CNTNAP2: variants seen among roughly 807,000 people sequenced by gnomAD.
CNTNAP2 encodes contactin associated protein 2, also known as contactin-associated protein-like 2.
Under a neutral mutation model 155.2 loss-of-function variants are expected in CNTNAP2, and 98 were observed. The observed-to-expected ratio is 0.63, with a 90% CI of 0.54 to 0.75. The LOEUF is 0.75. Among genes scored for constraint, CNTNAP2 ranks in the 30% least tolerant of loss-of-function variants. The pLI is 0.00. For missense variants in CNTNAP2, 1,727 were observed against 1,688.1 expected, an observed-to-expected ratio of 1.02 and a Z score of -0.40; for synonymous variants, 651 against 631.2, an observed-to-expected ratio of 1.03 and a Z score of -0.47.
chr7:146,535,347 T>C (rs1797849139), intron 1 of CNTNAP2, among the ~76,000 whole-genome samples: 1 of 62,218 alleles, frequency 1.6e-5, no homozygotes, highest in South Asian at 5.0e-4. Flanking sequence ...ATGCATATTA[T>C]ATATGATATT....
intron 21 of CNTNAP2, among the ~76,000 whole-genome samples, chr7:148,311,883 A>C (rs1797601273): frequency 6.6e-6 from 1 of 152,158 alleles, no homozygotes; most frequent in Non-Finnish European, 1.5e-5. Context: ...AGAGAGATAC[A>C]GTCATAGGGG....
At chr7:147,452,052 G>A (rs966314508) in intron 10 of CNTNAP2, among the ~76,000 whole-genome samples, 5 of 152,140 alleles carry the variant, frequency 3.3e-5, no homozygotes, top group Admixed American at 6.5e-5. Context: ...AAATTACCCC[G>A]AATCAGGTAT....
intron 3 of CNTNAP2, among the ~76,000 whole-genome samples, chr7:146,894,039 G>A: frequency 6.6e-6 from 1 of 152,164 alleles, no homozygotes; most frequent in Non-Finnish European, 1.5e-5. Flanking sequence ...TAGAAACTGT[G>A]AAAGGACCAC....
At chr7:147,295,270 C>CGTGT (rs749144938) in intron 8 of CNTNAP2, among the ~76,000 whole-genome samples, 1 of 150,240 alleles carries the variant, frequency 6.7e-6, no homozygotes, top group African/African-American at 2.4e-5. Flanking sequence ...TGTGTGCATG[C>CGTGT]GTGTGTGTGT....
At chr7:148,011,709 G>A (rs1016270926) in intron 15 of CNTNAP2, among the ~76,000 whole-genome samples, 1 of 152,124 alleles carries the variant, frequency 6.6e-6, no homozygotes, top group African/African-American at 2.4e-5. Flanking sequence ...TCATTTATTG[G>A]CTTGGCTTTT....
intron 3 of CNTNAP2, among the ~76,000 whole-genome samples, chr7:146,895,101 A>T (rs954473098): frequency 6.6e-6 from 1 of 152,140 alleles, no homozygotes; most frequent in African/African-American, 2.4e-5. Flanking sequence ...AGAAAAAATT[A>T]TTCTAAACCT....
At chr7:146,752,410 C>T (rs183815754) in intron 1 of CNTNAP2, among the ~76,000 whole-genome samples, 93 of 152,148 alleles carry the variant, frequency 6.1e-4, no homozygotes, top group African/African-American at 2.0e-3. Flanking sequence ...GTTTCTTGGC[C>T]GCATAAATGT....
At chr7:147,691,566 G>A (rs1796087587) in intron 13 of CNTNAP2, among the ~76,000 whole-genome samples, 1 of 152,114 alleles carries the variant, frequency 6.6e-6, no homozygotes, top group Admixed American at 6.6e-5. Context: ...TTGACAAAGT[G>A]ATCACCAGCA....
At chr7:147,886,475 CAAAA>C (rs532837902) in intron 13 of CNTNAP2, among the ~76,000 whole-genome samples, 2,098 of 39,388 alleles carry the variant, frequency 0.053, 6 homozygotes, top group South Asian at 0.092. Flanking sequence ...AACTCCATCT[CAAAA>C]AAAAAAAAAA....
chr7:147,340,834 G>T (rs532176863), intron 9 of CNTNAP2, among the ~76,000 whole-genome samples: 2 of 151,400 alleles, frequency 1.3e-5, no homozygotes, highest in Non-Finnish European at 2.9e-5. Context: ...CTATCTTTTT[G>T]ACTATTGTCT....
rs548239747 is a variant in CNTNAP2, at chr7:146,985,464, C to T, written c.403-58443C>T. On this transcript the variant is annotated intron_variant, in intron 3 of 23. Transcript: ENST00000361727. ...TCCCAAGTAGCTGGGACTACAGGCGCCTGCCACCATGCCCGGCTAATTTTT... is the reference window on the plus strand; with the variant it reads ...TCCCAAGTAGCTGGGACTACAGGCGTCTGCCACCATGCCCGGCTAATTTTT... 3.3e-3 allele frequency among the ~76,000 whole-genome samples: 498 copies of T among 151,258 alleles called. 5 individuals carry two copies. Among genetic ancestry groups the T allele is most frequent in the African/African-American group, 0.011 (473 of 41,328 alleles).
chr7:147,325,716 T>C (rs1253013775), intron 9 of CNTNAP2, among the ~76,000 whole-genome samples: 2 of 152,220 alleles, frequency 1.3e-5, no homozygotes, highest in African/African-American at 2.4e-5. Flanking sequence ...TTTCTTATTG[T>C]GATTAAACAC....
intron 12 of CNTNAP2, among the ~76,000 whole-genome samples, chr7:147,618,702 CTATT>C (rs1563024231): frequency 0.02 from 2,677 of 132,204 alleles, 76 homozygotes; most frequent in African/African-American, 0.088. Flanking sequence ...ATAATAACAG[CTATT>C]ATACACACAC....
rs985706886 is a variant in CNTNAP2, at chr7:148,127,071, G to A, written c.2554+8783G>A. ...TATAATCCCAGCACTTTGGGAGGCC[G>A]AGGTGGGCAGATTGCTTGAACTCAG... On this transcript the variant is annotated intron_variant, in intron 16 of 23. Transcript: ENST00000361727. Among the ~76,000 whole-genome samples, 7 of 152,278 alleles carry A rather than the reference G, an allele frequency of 4.6e-5. No individual in the cohort carries two copies. In the South Asian group the frequency reaches 1.5e-3, roughly 32 times the overall value.
chr7:146,471,912 T>C (rs1796804782), intron 1 of CNTNAP2, among the ~76,000 whole-genome samples: 1 of 152,188 alleles, frequency 6.6e-6, no homozygotes, highest in Non-Finnish European at 1.5e-5. Flanking sequence ...TTCTGGTAGC[T>C]GAATAAAGAA....
chr7:147,110,553 G>A (rs747194811), intron 5 of CNTNAP2, among the ~76,000 whole-genome samples: 1 of 152,024 alleles, frequency 6.6e-6, no homozygotes, highest in Non-Finnish European at 1.5e-5. Flanking sequence ...CAGACCCCAT[G>A]TGTGTTGTTC....
intron 20 of CNTNAP2, among the ~76,000 whole-genome samples, chr7:148,263,850 C>A (rs1109217): frequency 0.33 from 50,593 of 151,798 alleles, 10,343 homozygotes; most frequent in East Asian, 0.62. Context: ...TTATAGAGAT[C>A]AACTAGGAAT....
chr7:147,592,726 A>C (rs1045291913), intron 12 of CNTNAP2, among the ~76,000 whole-genome samples: 4 of 152,212 alleles, frequency 2.6e-5, no homozygotes, highest in African/African-American at 9.6e-5. Context: ...AGAACAAAAA[A>C]ATGCATAACA....
intron 21 of CNTNAP2, among the ~76,000 whole-genome samples, chr7:148,368,794 G>A (rs1418054937): frequency 6.6e-6 from 1 of 152,166 alleles, no homozygotes; most frequent in Non-Finnish European, 1.5e-5. Flanking sequence ...GACAGGGGCT[G>A]CATGCACCGG....
Sources: gnomAD v4.1 joint callset for allele counts (sites outside exome capture counted in the v4.1 genomes callset) on GRCh38, gnomAD v4.1.1 for gene constraint, MANE v1.5 for transcripts, NCBI Gene and HGNC (gene_info 2026-07-23, HGNC 2026-07-21) for gene names.